The following SBNO2 variants were observed in gnomAD, a reference collection of about 807,000 sequenced individuals.
The protein encoded by SBNO2 is protein strawberry notch homolog 2.
A neutral mutation model predicts 146.3 loss-of-function variants in SBNO2; 89 were observed. The ratio of observed to expected loss-of-function variants is 0.61; its 90% CI spans 0.51 to 0.73. The LOEUF (loss-of-function observed/expected upper bound fraction) is 0.73, where lower values mean the gene tolerates loss of function less well. SBNO2 is among the 30% of genes least tolerant of loss of function. The pLI is 0.00. For synonymous variants in SBNO2, 1,147 were observed against 892.6 expected (o/e 1.29, Z -5.08); for missense variants, 2,092 against 2,003.7 (o/e 1.04, Z -0.84).
chr19:1,156,115 G>A (rs746013053), intron 1 of SBNO2, among the ~76,000 whole-genome samples: 2 of 152,042 alleles, frequency 1.3e-5, no homozygotes, highest in Non-Finnish European at 1.5e-5. Flanking sequence ...CATAGCTGAG[G>A]GACCCCTCCA....
chr19:1,147,956 G>A (rs1271427141), intron 3 of SBNO2, among the ~76,000 whole-genome samples: 5 of 151,878 alleles, frequency 3.3e-5, no homozygotes, highest in South Asian at 4.1e-4. Context: ...CCCCGCCCAG[G>A]GGCGCCTCTC....
At chr19:1,124,754 C>A (rs894745594) in intron 5 of SBNO2, among the ~76,000 whole-genome samples, 1 of 152,200 alleles carries the variant, frequency 6.6e-6, no homozygotes, top group Non-Finnish European at 1.5e-5. Context: ...CCAGGGTGGG[C>A]AGTGACACTG....
rs946301203 is a variant in SBNO2 at position 1,119,894 on chromosome 19, G to A, written c.1267+12C>T. On this transcript the variant is annotated intron_variant, in intron 12 of 31. Coordinates refer to ENST00000361757, the MANE Select transcript of SBNO2 (RefSeq NM_014963.3). ...GCTGCGGGTGGGTCACGTGGGATCC[G>A]CACCGCCCCACCTGTGGCGCTGGCG... 54 of 1,533,004 alleles carry A rather than the reference G, an allele frequency of 3.5e-5. No homozygotes were observed. The highest frequency in any genetic ancestry group is 1.4e-4 in the Admixed American group (7 of 50,932). The allele number at this position is 1,533,004 out of a possible 1,614,324, so 95.0% of individuals were successfully genotyped here. A position where few individuals can be genotyped will look rare whatever the true frequency, so the allele number is the denominator to read the frequency against.
rs914445346 is a variant in SBNO2, at chr19:1,126,081, T to G, written c.441+1523A>C. Among the ~76,000 whole-genome samples the G allele has an allele frequency of 6.6e-6, 1 of 152,198 alleles. No homozygotes were observed. On this transcript the variant is annotated intron_variant, in intron 5 of 31. Transcript: ENST00000361757. The surrounding 1 kb of genome is among the most constrained non-coding windows in gnomAD (Gnocchi z 4.4). The stretch of plus-strand genomic sequence containing the variant: ...TCCAACGTCCTGAGACGGGTGAGGT[T>G]TCCGCCCAAGCCTGCCTGAGCCCGG...
rs893447920 is a variant in SBNO2 at position 1,136,952 on chromosome 19, A to C, written c.280-9187T>G. Among the ~76,000 whole-genome samples, 1 of 151,418 alleles carries C rather than the reference A, an allele frequency of 6.6e-6. No homozygotes were observed. The highest frequency in any genetic ancestry group is 1.5e-5 in the Non-Finnish European group (1 of 67,942). ...ATGCCCGGCAGGTGGAGAGGTCCTC[A>C]CAGGACAGGTGGTGGGCAAGGGGGC... On this transcript the variant is annotated intron_variant, in intron 4 of 31. Coordinates refer to ENST00000361757, the MANE Select transcript of SBNO2 (RefSeq NM_014963.3). This position sits in a 1 kb window ranked among gnomAD's most constrained non-coding sequence, Gnocchi z 4.2.
In SBNO2 at chr19:1,108,552, G is replaced by A. The variant is rs964656816; in HGVS notation, c.3769C>T (p.Leu1257=). The A allele has an allele frequency of 1.6e-6, 2 of 1,216,500 alleles. No homozygotes were observed. The highest frequency in any genetic ancestry group is 2.0e-6 in the Non-Finnish European group (2 of 978,540). 75.4% of individuals were successfully genotyped at this position (1,216,500 alleles called of 1,614,324 possible). Residue 1257 remains leucine, a synonymous_variant, in exon 32 of 32, where the codon CTG becomes TTG. Transcript: ENST00000361757. ...GCCGGGGGGCTGTAGGTGAGGTCCA[G>A]CACCTCTCCGGGGCCGCAAGGCAGC... The part of the protein sequence containing the change: ...LALPCGPGEV[L]DLTYSPPAEA...
intron 17 of SBNO2, among the ~76,000 whole-genome samples, chr19:1,114,635 C>T (rs2079809805): frequency 8.7e-6 from 1 of 114,352 alleles, no homozygotes; most frequent in Admixed American, 7.6e-5. Flanking sequence ...GTGTGGGGGG[C>T]CATATTTTAT....
rs79829474 is a variant in SBNO2 at position 1,140,433 on chromosome 19, T to C, written c.279+6876A>G. The stretch of plus-strand genomic sequence containing the variant: ...CACCCACCAGGGACATTGAGCCTGA[T>C]GGCTTCGCGCCAACCTGGAGACGGA... On this transcript the variant is annotated intron_variant, in intron 4 of 31. Coordinates refer to ENST00000361757, the MANE Select transcript of SBNO2 (RefSeq NM_014963.3). This position sits in a 1 kb window ranked among gnomAD's most constrained non-coding sequence, Gnocchi z 4.4. Among the ~76,000 whole-genome samples, 4 of 152,068 alleles carry C rather than the reference T, an allele frequency of 2.6e-5. No homozygotes were observed. The highest frequency in any genetic ancestry group is 9.7e-5 in the African/African-American group (4 of 41,380).
intron 3 of SBNO2, among the ~76,000 whole-genome samples, chr19:1,149,093 GC>G (rs59571431): frequency 0.22 from 22,389 of 100,268 alleles, 4,921 homozygotes; most frequent in East Asian, 0.37. Context: ...TCCACAGGAG[GC>G]CCCCCTGGCC....
At chr19:1,168,424 G>A (rs1046693792) in intron 1 of SBNO2, among the ~76,000 whole-genome samples, 3 of 152,070 alleles carry the variant, frequency 2.0e-5, no homozygotes, top group East Asian at 3.9e-4. Context: ...TCCGGGGCTG[G>A]GCCCCTGCCC....
At chr19:1,167,934 C>G (rs796688124) in intron 1 of SBNO2, among the ~76,000 whole-genome samples, 1 of 152,260 alleles carries the variant, frequency 6.6e-6, no homozygotes, top group African/African-American at 2.4e-5. Context: ...ATGAGGAGCT[C>G]GAGTATCCCC....
Position 1,109,790 on chromosome 19 carries a change from G to C in SBNO2, c.3029-13C>G. ...CCGGGAGCAAGGTCTAGGGGGGCGG[G>C]TGGAGGGTAAGTGGTGTCCAGGCCT... is the stretch of plus-strand genomic sequence containing the variant. On this transcript the variant is annotated splice_polypyrimidine_tract_variant and intron_variant, in intron 26 of 31. Coordinates refer to ENST00000361757, the MANE Select transcript of SBNO2 (RefSeq NM_014963.3). This position sits in a 1 kb window ranked among gnomAD's most constrained non-coding sequence, Gnocchi z 4.2. 6.4e-7 allele frequency: 1 copy of C among 1,560,824 alleles called. No homozygotes were observed.
Position 1,150,664 on chromosome 19 carries a change from T to G in SBNO2, c.94-1222A>C, listed in dbSNP as rs1249374682. ...TCCAGAACAGGGTTGGGGGTTCGCCTGCTTCCCTGAGTCCCCCAGTGACCT... is the reference window on the plus strand; with the variant it reads ...TCCAGAACAGGGTTGGGGGTTCGCCGGCTTCCCTGAGTCCCCCAGTGACCT... On this transcript the variant is annotated intron_variant, in intron 2 of 31. Coordinates refer to ENST00000361757, the MANE Select transcript of SBNO2 (RefSeq NM_014963.3). The surrounding 1 kb of genome is among the most constrained non-coding windows in gnomAD (Gnocchi z 6.2). Among the ~76,000 whole-genome samples, 1 of 152,130 alleles carries G rather than the reference T, an allele frequency of 6.6e-6. No homozygotes were observed. The highest frequency in any genetic ancestry group is 1.5e-5 in the Non-Finnish European group (1 of 68,002).
chr19:1,148,580 C>T (rs1487877894), intron 3 of SBNO2, among the ~76,000 whole-genome samples: 1 of 2,134 alleles, frequency 4.7e-4, no homozygotes, highest in Non-Finnish European at 1.0e-3. Flanking sequence ...AACCTCCCGC[C>T]CCTTCCCACC....
Position 1,117,401 on chromosome 19 carries a change from G to T in SBNO2, c.1626C>A (p.Arg542=). 6.3e-7 allele frequency: 1 copy of T among 1,589,556 alleles called. No individual in the cohort carries two copies. The highest frequency in any genetic ancestry group is 1.3e-5 in the African/African-American group (1 of 74,430). Residue 542 remains arginine (R), a synonymous_variant, in exon 15 of 32, where the codon CGC becomes CGA. Transcript: ENST00000361757. ...LWGQFWSAHQ[R]FFKYLCIAAK... The stretch of plus-strand genomic sequence containing the variant: ...CTGCGATGCACAGATACTTGAAGAA[G>T]CGCTGGTGTGCCGACCAGAACTGGC...
chr19:1,117,518 A>G lies in SBNO2; in HGVS notation c.1528-19T>C. 2 of 1,561,328 alleles carry G rather than the reference A, an allele frequency of 1.3e-6. No homozygotes were observed. Among genetic ancestry groups the G allele is most frequent in the Non-Finnish European group, 1.7e-6 (2 of 1,154,138 alleles). Reference sequence around the variant, plus strand: ...CGGCCCACTGCAATGACACGTCACAAGGCGCCCCTGAGCTGTGGCTCCTGG... The same window carrying G: ...CGGCCCACTGCAATGACACGTCACAGGGCGCCCCTGAGCTGTGGCTCCTGG... On this transcript the variant is annotated intron_variant, in intron 14 of 31. Coordinates refer to ENST00000361757, the MANE Select transcript of SBNO2 (RefSeq NM_014963.3).
At chr19:1,132,229 C>G in intron 4 of SBNO2, 1 of 1,309,608 alleles carries the variant, frequency 7.6e-7, no homozygotes, top group Non-Finnish European at 9.8e-7. Context: ...ATTGGGTCGG[C>G]CGGGGCGGAC....
At position 1,119,035 on chromosome 19, in the gene SBNO2, G is replaced by A. The variant is rs376883845; in HGVS notation, c.1503C>T (p.Cys501=). The change falls in exon 14 of 32, where the codon TGC becomes TGT. Residue 501 remains cysteine, a synonymous_variant. Coordinates refer to ENST00000361757, the MANE Select transcript of SBNO2 (RefSeq NM_014963.3). The part of the protein sequence containing the change: ...EEIPLAPAFE[C]VYNRAALLWA... ...CCAGCAGGGCCGCGCGGTTGTAGAC[G>A]CACTCGAAGGCTGGGGCCAGCGGGA... 245 of 1,602,394 alleles carry A rather than the reference G, an allele frequency of 1.5e-4. No individual in the cohort carries two copies. Among genetic ancestry groups the A allele is most frequent in the Non-Finnish European group, 1.9e-4 (228 of 1,176,734 alleles).
At chr19:1,151,836 T>G (rs1255277152) in intron 2 of SBNO2, among the ~76,000 whole-genome samples, 1 of 152,182 alleles carries the variant, frequency 6.6e-6, no homozygotes, top group Non-Finnish European at 1.5e-5. Context: ...CTAACTTTTG[T>G]ATTTTTAGTA....
Sources: allele counts gnomAD v4.1 joint callset (sites outside exome capture counted in the v4.1 genomes callset), GRCh38; gene constraint gnomAD v4.1.1; non-coding constraint Gnocchi (gnomAD v3.1); transcripts MANE v1.5; gene names NCBI Gene and HGNC (gene_info 2026-07-23, HGNC 2026-07-21).